The following SLC25A15 variants were observed in gnomAD, a reference collection of about 807,000 sequenced individuals.
The protein encoded by SLC25A15 is mitochondrial ornithine transporter 1.
Under a neutral mutation model 32.3 loss-of-function variants are expected in SLC25A15, and 24 were observed. The observed-to-expected ratio is 0.74, with a 90% CI of 0.54 to 1.04. The LOEUF (loss-of-function observed/expected upper bound fraction) is 1.04. Ranked by LOEUF, SLC25A15 falls within the 50% of genes least tolerant of loss-of-function variation. The pLI is 0.00. For synonymous variants in SLC25A15, 132 were observed against 142.1 expected (o/e 0.93, Z 0.51); for missense variants, 317 against 374.5 (o/e 0.85, Z 1.27).
In SLC25A15 at chr13:40,793,377, C is replaced by G. The variant is rs888522659; in HGVS notation, c.55+96C>G. 5 of 1,087,042 alleles carry G rather than the reference C, an allele frequency of 4.6e-6. No individual in the cohort carries two copies. In the Admixed American group the frequency reaches 5.9e-5, roughly 13 times the overall value. The allele number at this position is 1,087,042 out of a possible 1,614,324, so 67.3% of individuals were successfully genotyped here. A position where few individuals can be genotyped will look rare whatever the true frequency, so the allele number is the denominator to read the frequency against. On this transcript the variant is annotated intron_variant, in intron 2 of 6. Transcript: ENST00000338625. ...ATTATACTACCATATTTTTACTGTA[C>G]CTTTTCTGTGTTTAGATACATTTAG...
chr13:40,812,363 T>G lies in SLC25A15; in HGVS notation c.*2696T>G, dbSNP rs1882492909. On this transcript the variant is annotated 3_prime_UTR_variant, in exon 7 of 7. Coordinates refer to ENST00000338625, the MANE Select transcript of SLC25A15 (RefSeq NM_014252.4). ...TGTTTGCTTAATTCAGAGTACAGTT[T>G]GTGCTATTTCATATCTGTACTCCAG... 6.6e-6 allele frequency among the ~76,000 whole-genome samples: 1 copy of G among 152,228 alleles called. No homozygotes were observed. The highest frequency in any genetic ancestry group is 6.5e-5 in the Admixed American group (1 of 15,280).
At chr13:40,794,310 A>G (rs1881601824) in intron 2 of SLC25A15, among the ~76,000 whole-genome samples, 2 of 151,914 alleles carry the variant, frequency 1.3e-5, no homozygotes, top group South Asian at 4.1e-4. Flanking sequence ...ATTGCACTCC[A>G]GCCTGGGCAA....
intron 2 of SLC25A15, among the ~76,000 whole-genome samples, chr13:40,798,329 A>G (rs1375048306): frequency 2.0e-5 from 3 of 152,084 alleles, no homozygotes; most frequent in African/African-American, 7.2e-5. Flanking sequence ...GCTGTATTTA[A>G]TCTTATAGAA....
At chr13:40,806,460 G>A (rs949105369) in intron 4 of SLC25A15, among the ~76,000 whole-genome samples, 1 of 152,210 alleles carries the variant, frequency 6.6e-6, no homozygotes, top group Non-Finnish European at 1.5e-5. Flanking sequence ...ATGGTAGCTT[G>A]GGGCTAAGAC....
intron 2 of SLC25A15, among the ~76,000 whole-genome samples, chr13:40,794,271 C>T (rs541691266): frequency 2.7e-5 from 4 of 150,566 alleles, no homozygotes; most frequent in Admixed American, 2.0e-4. Flanking sequence ...ACCCCGGAGG[C>T]GGAGGTTGTG....
At chr13:40,807,183 G>C in intron 4 of SLC25A15, 111 bp from the exon 5 acceptor site, 1 of 992,952 alleles carries the variant, frequency 1.0e-6, no homozygotes, top group East Asian at 2.4e-5. Context: ...TACAAAATCA[G>C]CTTCTTCCTT....
chr13:40,805,065 G>T, intron 3 of SLC25A15, 53 bp from the exon 4 acceptor site: 1 of 1,611,346 alleles, frequency 6.2e-7, no homozygotes, highest in Non-Finnish European at 8.5e-7. Context: ...TGTGTGGTGA[G>T]TGCCAAAGGA....
chr13:40,794,389 C>T (rs1881608218), intron 2 of SLC25A15, among the ~76,000 whole-genome samples: 1 of 151,530 alleles, frequency 6.6e-6, no homozygotes, highest in Non-Finnish European at 1.5e-5. Context: ...TGATAATGGA[C>T]TGTGTCTTAG....
At chr13:40,794,899 C>T (rs1346227386) in intron 2 of SLC25A15, among the ~76,000 whole-genome samples, 1 of 151,074 alleles carries the variant, frequency 6.6e-6, no homozygotes, top group African/African-American at 2.4e-5. Context: ...AAGTGTTTTT[C>T]CATGAGCCAA....
chr13:40,790,059 G>C (rs1881425001), intron 1 of SLC25A15, among the ~76,000 whole-genome samples: 1 of 152,206 alleles, frequency 6.6e-6, no homozygotes, highest in Non-Finnish European at 1.5e-5. Flanking sequence ...TCGTCTCCCT[G>C]ACCTGTTCCT....
At chr13:40,802,812 TCTG>T (rs1205040383) in intron 3 of SLC25A15, among the ~76,000 whole-genome samples, 1 of 152,124 alleles carries the variant, frequency 6.6e-6, no homozygotes, top group Non-Finnish European at 1.5e-5. Flanking sequence ...GACCTCGTGA[TCTG>T]CCCACCTCGG....
rs73174824 is a variant in SLC25A15, at chr13:40,804,846, G to A, written c.315-272G>A. On this transcript the variant is annotated intron_variant, in intron 3 of 6. Transcript: ENST00000338625. Reference sequence around the variant, plus strand: ...ATTACAGTTGTGAGCCACGGCGCCCGGCCCTTTCATCATTTTTTTAGACAT... The same window carrying A: ...ATTACAGTTGTGAGCCACGGCGCCCAGCCCTTTCATCATTTTTTTAGACAT... Among the ~76,000 whole-genome samples the A allele has an allele frequency of 0.061, 9,335 of 151,926 alleles. 360 individuals carry two copies. Among genetic ancestry groups the A allele is most frequent in the Middle Eastern group, 0.095 (28 of 294 alleles).
At chr13:40,795,689 G>A (rs569552281) in intron 2 of SLC25A15, among the ~76,000 whole-genome samples, 1 of 152,222 alleles carries the variant, frequency 6.6e-6, no homozygotes, top group East Asian at 1.9e-4. Flanking sequence ...ATAGGTTGGG[G>A]GCTGGGCAGA....
intron 4 of SLC25A15, among the ~76,000 whole-genome samples, chr13:40,805,557 A>T (rs150725575): frequency 1.7e-4 from 26 of 152,260 alleles, no homozygotes; most frequent in African/African-American, 5.5e-4. Context: ...CCATTTTTGG[A>T]GGTACATAAT....
At chr13:40,792,694 G>A (rs1881553516) in intron 1 of SLC25A15, among the ~76,000 whole-genome samples, 1 of 152,214 alleles carries the variant, frequency 6.6e-6, no homozygotes, top group Non-Finnish European at 1.5e-5. Flanking sequence ...CAAGGCGTGT[G>A]TGATCCCAGG....
intron 2 of SLC25A15, among the ~76,000 whole-genome samples, chr13:40,795,834 A>G (rs577728045): frequency 2.0e-5 from 3 of 152,324 alleles, no homozygotes; most frequent in East Asian, 3.9e-4. Context: ...GTTGGCTCCA[A>G]TGCTCGTTGG....
At chr13:40,791,803 G>A (rs181632017) in intron 1 of SLC25A15, among the ~76,000 whole-genome samples, 8 of 152,238 alleles carry the variant, frequency 5.3e-5, no homozygotes, top group Non-Finnish European at 8.8e-5. Flanking sequence ...GTAATGTGCC[G>A]TTGTTGCCAC....
chr13:40,808,412 C>T, intron 5 of SLC25A15, 26 bp from the exon 6 acceptor site: 1 of 1,604,258 alleles, frequency 6.2e-7, no homozygotes, highest in Non-Finnish European at 8.5e-7. Flanking sequence ...AGACAAAATA[C>T]CATTTGCTAT....
intron 2 of SLC25A15, 29 bp from the exon 3 acceptor site, chr13:40,799,028 A>G: frequency 6.2e-7 from 1 of 1,614,184 alleles, no homozygotes; most frequent in East Asian, 2.2e-5. Flanking sequence ...GTAGCCTCGT[A>G]CTAGAGCAGT....
Sources: gnomAD v4.1 joint callset for allele counts (sites outside exome capture counted in the v4.1 genomes callset) on GRCh38, gnomAD v4.1.1 for gene constraint, MANE v1.5 for transcripts, NCBI Gene and HGNC (gene_info 2026-07-23, HGNC 2026-07-21) for gene names.